Variants in LDB2 observed in about 807,000 individuals in gnomAD.
LDB2 encodes the protein LIM domain binding 2.
Under a neutral mutation model 44.3 loss-of-function variants are expected in LDB2, and 12 were observed. The ratio of observed to expected loss-of-function variants is 0.27; its 90% confidence interval spans 0.17 to 0.44. The LOEUF is 0.44. Among genes scored for constraint, LDB2 ranks in the 20% least tolerant of loss-of-function variants. LDB2 has a pLI of 1.00. For missense variants in LDB2, 344 were observed against 473.5 expected (o/e 0.73, Z 2.54); for synonymous variants, 164 against 174.8 (o/e 0.94, Z 0.49).
chr4:16,828,390 T>C (rs1188655160), intron 1 of LDB2, among the ~76,000 whole-genome samples: 2 of 152,176 alleles, frequency 1.3e-5, no homozygotes, highest in Admixed American at 6.5e-5. Flanking sequence ...TAGTCTTAAA[T>C]ACATTTCCTT....
chr4:16,684,493 C>G, intron 2 of LDB2, among the ~76,000 whole-genome samples: 1 of 152,146 alleles, frequency 6.6e-6, no homozygotes, highest in East Asian at 1.9e-4. Flanking sequence ...TGTATATATT[C>G]CCTGATTACT....
chr4:16,836,993 T>G (rs1453809609), intron 1 of LDB2, among the ~76,000 whole-genome samples: 6 of 152,338 alleles, frequency 3.9e-5, no homozygotes, highest in African/African-American at 1.4e-4. Context: ...ATTATCTGCC[T>G]GACACAATTT....
At chr4:16,604,743 AT>A (rs1435238973) in intron 2 of LDB2, among the ~76,000 whole-genome samples, 1 of 152,066 alleles carries the variant, frequency 6.6e-6, no homozygotes, top group Non-Finnish European at 1.5e-5. Context: ...TTTAATCCTG[AT>A]AAATGTCTAA....
intron 1 of LDB2, among the ~76,000 whole-genome samples, chr4:16,847,844 C>G (rs990792562): frequency 3.3e-5 from 5 of 152,184 alleles, no homozygotes; most frequent in African/African-American, 4.8e-5. Flanking sequence ...TCTCAATTTC[C>G]TGACCTCGTG....
At position 16,775,668 on chromosome 4, in the gene LDB2, G is replaced by A. The variant is rs186358278; in HGVS notation, c.133-16408C>T. Among the ~76,000 whole-genome samples the A allele has an allele frequency of 1.6e-4, 24 of 152,162 alleles. No individual in the cohort carries two copies. The East Asian group carries it at 1.7e-3, about 11-fold the overall frequency. On this transcript the variant is annotated intron_variant, in intron 1 of 7. Transcript: ENST00000304523. ...TCCTGACACACAGTTGACAAAGCACGGACACTCACAGTATCAGTGCCTCTT... is the reference window on the plus strand; with the variant it reads ...TCCTGACACACAGTTGACAAAGCACAGACACTCACAGTATCAGTGCCTCTT...
Position 16,502,661 on chromosome 4 carries a change from TG to T in LDB2, c.1103del (p.Pro368HisfsTer17). On this transcript the variant is annotated frameshift_variant, in exon 8 of 8. Coordinates refer to ENST00000304523, the MANE Select transcript of LDB2 (RefSeq NM_001290.5). LOFTEE classifies it high-confidence loss of function. ...GATCATCTTATTGGGAAGCCTGGGG[TG>T]GGGGGTTTTCTGATTTGGTCTCTTG... Reference protein sequence around the residue: ...ATQETKSENPPPQASQ With the variant: ...ATQETKSENPXPQASQ 1 of 1,613,414 alleles carries T rather than the reference TG, an allele frequency of 6.2e-7. No homozygotes were observed. The highest frequency in any genetic ancestry group is 8.5e-7 in the Non-Finnish European group (1 of 1,179,660).
At chr4:16,856,799 T>C (rs1334113807) in intron 1 of LDB2, among the ~76,000 whole-genome samples, 1 of 152,196 alleles carries the variant, frequency 6.6e-6, no homozygotes, top group African/African-American at 2.4e-5. Flanking sequence ...CTTTATTTTA[T>C]AGAGGAAGAA....
chr4:16,551,481 C>G (rs183073690), intron 5 of LDB2, among the ~76,000 whole-genome samples: 1 of 152,092 alleles, frequency 6.6e-6, no homozygotes, highest in Non-Finnish European at 1.5e-5. Context: ...AGTATTTGTT[C>G]CCTTACTTCA....
At chr4:16,807,997 T>C (rs1190847228) in intron 1 of LDB2, among the ~76,000 whole-genome samples, 5 of 152,182 alleles carry the variant, frequency 3.3e-5, no homozygotes, top group Admixed American at 3.3e-4. Flanking sequence ...TTTCTTTCTT[T>C]TCCCAATTTC....
At chr4:16,634,080 A>G (rs1732844368) in intron 2 of LDB2, among the ~76,000 whole-genome samples, 1 of 152,098 alleles carries the variant, frequency 6.6e-6, no homozygotes, top group Admixed American at 6.6e-5. Flanking sequence ...CTGAAACTGG[A>G]CCCCTTTCTT....
chr4:16,552,114 G>C (rs995692137), intron 5 of LDB2, among the ~76,000 whole-genome samples: 1 of 151,952 alleles, frequency 6.6e-6, no homozygotes, highest in African/African-American at 2.4e-5. Flanking sequence ...TATCCTTGTT[G>C]GTTTGTATTA....
chr4:16,685,569 T>G (rs1464208823), intron 2 of LDB2, among the ~76,000 whole-genome samples: 1 of 152,150 alleles, frequency 6.6e-6, no homozygotes, highest in Non-Finnish European at 1.5e-5. Context: ...TTAAATAAAG[T>G]CATGTATGTG....
At chr4:16,798,235 C>A (rs77278733) in intron 1 of LDB2, among the ~76,000 whole-genome samples, 3,100 of 152,082 alleles carry the variant, frequency 0.02, 113 homozygotes, top group African/African-American at 0.069. Flanking sequence ...TTCCATGTGT[C>A]CTTTCTCTGC....
chr4:16,512,474 C>A lies in LDB2; in HGVS notation c.616-370G>T, dbSNP rs972833392. 3.3e-5 allele frequency among the ~76,000 whole-genome samples: 5 copies of A among 151,420 alleles called. No homozygotes were observed. In the South Asian group the frequency reaches 1.0e-3, roughly 32 times the overall value. On this transcript the variant is annotated intron_variant, in intron 5 of 7. Transcript: ENST00000304523. ...ACAAAACAAAACAAAAACAAACAAA[C>A]AAAAAAAACCCCTCTTCTTTCAGCA...
intron 1 of LDB2, among the ~76,000 whole-genome samples, chr4:16,832,353 T>C (rs906171075): frequency 6.6e-6 from 1 of 152,142 alleles, no homozygotes; most frequent in Non-Finnish European, 1.5e-5. Context: ...GTTGCTAAAA[T>C]TTGACAAATA....
chr4:16,816,952 G>C (rs778063154), intron 1 of LDB2, among the ~76,000 whole-genome samples: 1 of 151,798 alleles, frequency 6.6e-6, no homozygotes, highest in Admixed American at 6.6e-5. Flanking sequence ...TGTCATCTGC[G>C]CCCTGTACTT....
intron 5 of LDB2, among the ~76,000 whole-genome samples, chr4:16,535,300 C>T (rs1408750599): frequency 1.3e-5 from 2 of 152,134 alleles, no homozygotes; most frequent in Non-Finnish European, 2.9e-5. Flanking sequence ...GTCCTGCCAC[C>T]CCTTCTCATC....
chr4:16,876,109 T>A (rs980855316), intron 1 of LDB2, among the ~76,000 whole-genome samples: 1 of 152,278 alleles, frequency 6.6e-6, no homozygotes, highest in Non-Finnish European at 1.5e-5. Flanking sequence ...AGTCACAAAA[T>A]CATCTTGCAT....
intron 1 of LDB2, among the ~76,000 whole-genome samples, chr4:16,862,957 G>A (rs967873887): frequency 1.3e-5 from 2 of 152,140 alleles, no homozygotes; most frequent in Admixed American, 1.3e-4. Flanking sequence ...AGCGTCCAGC[G>A]AGTCAGAGTC....
Sources: allele counts gnomAD v4.1 joint callset (sites outside exome capture counted in the v4.1 genomes callset), GRCh38; gene constraint gnomAD v4.1.1; transcripts MANE v1.5; gene names NCBI Gene and HGNC (gene_info 2026-07-23, HGNC 2026-07-21).